Variants in NUP98 observed in about 807,000 individuals in gnomAD.
NUP98 encodes the protein nucleoporin 98 and 96 precursor.
In NUP98, 26 loss-of-function variants were observed where a neutral mutation model predicts 191.9. The ratio of observed to expected loss-of-function variants is 0.14; its 90% CI spans 0.10 to 0.19. The LOEUF (loss-of-function observed/expected upper bound fraction) is 0.19, where lower values mean the gene tolerates loss of function less well. NUP98 is among the 10% of genes least tolerant of loss of function. The pLI is 1.00. For missense variants in NUP98, 1,941 were observed against 2,178.8 expected (o/e 0.89, Z 2.17); for synonymous variants, 808 against 778.4 (o/e 1.04, Z -0.63).
chr11:3,711,206 G>C (rs2079015448), intron 20 of NUP98, among the ~76,000 whole-genome samples: 1 of 151,464 alleles, frequency 6.6e-6, no homozygotes, highest in South Asian at 2.1e-4. Flanking sequence ...GACTGCACCA[G>C]TGCACTACAG....
chr11:3,761,266 C>G (rs1409433133), intron 9 of NUP98, among the ~76,000 whole-genome samples: 2 of 152,162 alleles, frequency 1.3e-5, no homozygotes, highest in African/African-American at 2.4e-5. Context: ...TAAAAATCAC[C>G]TAGCTATACA....
chr11:3,688,384 C>T (rs904772562), intron 28 of NUP98, among the ~76,000 whole-genome samples: 48 of 151,498 alleles, frequency 3.2e-4, no homozygotes, highest in Admixed American at 7.2e-4. Context: ...CCAGCCTGGG[C>T]GACAGAGCGA....
chr11:3,678,060 G>A (rs2077873394), intron 31 of NUP98, among the ~76,000 whole-genome samples: 1 of 149,946 alleles, frequency 6.7e-6, no homozygotes, highest in African/African-American at 2.5e-5. Flanking sequence ...CAGGAGAATT[G>A]TTTGAAGCTG....
intron 25 of NUP98, chr11:3,697,013 G>A (rs1395500084): frequency 6.6e-6 from 1 of 152,104 alleles, no homozygotes. Flanking sequence ...CTACATGTTG[G>A]TGTCCTGGTG....
chr11:3,777,919 C>T (rs1262454054), intron 4 of NUP98, among the ~76,000 whole-genome samples: 1 of 151,874 alleles, frequency 6.6e-6, no homozygotes, highest in African/African-American at 2.4e-5. Context: ...TGATGGCAGG[C>T]CAGGCGCGGT....
At position 3,691,541 on chromosome 11, in the gene NUP98, A is replaced by G. The variant is rs373577616; in HGVS notation, c.4312-52T>C. ...ACATTAGCTCCTAATCAGTTTTACT[A>G]GATGCCATTATGTTTCTTCTTTTTT... On this transcript the variant is annotated intron_variant, in intron 27 of 32. Transcript: ENST00000324932. 5.0e-5 allele frequency: 77 copies of G among 1,554,594 alleles called. No homozygotes were observed. In the East Asian group the frequency reaches 5.2e-4, roughly 10 times the overall value.
chr11:3,792,178 CAAAAAAAAAAAAAAAA>C (rs61471948), intron 1 of NUP98, among the ~76,000 whole-genome samples: 22 of 58,854 alleles, frequency 3.7e-4, no homozygotes, highest in South Asian at 9.3e-4. Flanking sequence ...AACTCCATCT[CAAAAAAAAAAAAAAAA>C]AAAAAAAAAA....
chr11:3,712,953 T>C (rs550793370), intron 19 of NUP98, among the ~76,000 whole-genome samples: 2 of 152,356 alleles, frequency 1.3e-5, no homozygotes, highest in African/African-American at 4.8e-5. Context: ...GATTACATAA[T>C]ATACATTAAA....
intron 19 of NUP98, 152 bp downstream of exon 19, chr11:3,713,666 C>G (rs375996010): frequency 5.6e-5 from 40 of 712,616 alleles, no homozygotes; most frequent in Non-Finnish European, 8.8e-5. Context: ...CTGCAGGGAG[C>G]TATGATCCCA....
intron 12 of NUP98, among the ~76,000 whole-genome samples, chr11:3,737,418 G>A (rs1474347134): frequency 2.6e-5 from 4 of 151,614 alleles, no homozygotes; most frequent in East Asian, 1.9e-4. Flanking sequence ...AAGGTCAGGA[G>A]ATCGAGACTA....
intron 1 of NUP98, among the ~76,000 whole-genome samples, chr11:3,790,460 G>C (rs1187917513): frequency 6.6e-6 from 1 of 152,106 alleles, no homozygotes; most frequent in African/African-American, 2.4e-5. Flanking sequence ...ACCCCTAAAA[G>C]TCCCCAACAC....
chr11:3,736,333 T>A (rs2080058986), intron 12 of NUP98, among the ~76,000 whole-genome samples: 1 of 152,184 alleles, frequency 6.6e-6, no homozygotes, highest in Non-Finnish European at 1.5e-5. Flanking sequence ...ACAGTCAAGA[T>A]ATGGAAACAA....
At chr11:3,790,456 A>G (rs1192205789) in intron 1 of NUP98, among the ~76,000 whole-genome samples, 1 of 152,196 alleles carries the variant, frequency 6.6e-6, no homozygotes, top group East Asian at 1.9e-4. Context: ...AAAGACCCCT[A>G]AAAGTCCCCA....
intron 1 of NUP98, among the ~76,000 whole-genome samples, chr11:3,784,256 C>T (rs1488376020): frequency 6.6e-6 from 1 of 152,174 alleles, no homozygotes; most frequent in Admixed American, 6.6e-5. Flanking sequence ...TTGTGCAACA[C>T]TGAAAAAGAT....
At chr11:3,702,325 T>TC (rs748378285) in intron 23 of NUP98, 138 bp downstream of exon 23, 26 of 100,982 alleles carry the variant, frequency 2.6e-4, no homozygotes, top group South Asian at 5.8e-4. Flanking sequence ...TCTCTCTCTC[T>TC]CTCTCTCTCT....
At position 3,705,222 on chromosome 11, in the gene NUP98, G is replaced by C. The variant is rs2078824153; in HGVS notation, c.3060C>G (p.His1020Gln). ...TACCTAGTGAACGAGTTTTCGACGAGTGGGATGCTGAAATGGGGAGTCTGG... is the reference window on the plus strand; with the variant it reads ...TACCTAGTGAACGAGTTTTCGACGACTGGGATGCTGAAATGGGGAGTCTGG... ...CSPRLPISAS[H>Q]SSKTRSLVGG... Residue 1020 changes from histidine to glutamine, a missense_variant, in exon 22 of 33, where the codon CAC becomes CAG. By Grantham distance (24) the His-to-Gln change is conservative. Around this residue, in one of 6 missense-constraint regions of NUP98, gnomAD observed 1,030 missense variants for 1,115.8 expected, o/e 0.92. Coordinates refer to ENST00000324932, the MANE Select transcript of NUP98 (RefSeq NM_016320.5). The C allele has an allele frequency of 1.9e-6, 3 of 1,614,056 alleles. No homozygotes were observed. The highest frequency in any genetic ancestry group is 2.5e-6 in the Non-Finnish European group (3 of 1,180,032).
At position 3,775,813 on chromosome 11, in the gene NUP98, C is replaced by A; in HGVS notation, c.495+69G>T. Reference sequence around the variant, plus strand: ...TAAGCTGGAAAGAGAAGCAATTTTACAATTCATCCTGCAAAGAAATATACA... The same window carrying A: ...TAAGCTGGAAAGAGAAGCAATTTTAAAATTCATCCTGCAAAGAAATATACA... On this transcript the variant is annotated intron_variant, in intron 5 of 32. Coordinates refer to ENST00000324932, the MANE Select transcript of NUP98 (RefSeq NM_016320.5). The A allele has an allele frequency of 5.4e-6, 8 of 1,487,504 alleles. 1 individual carries two copies. In the South Asian group the frequency reaches 9.6e-5, roughly 18 times the overall value. The allele number at this position is 1,487,504 out of a possible 1,614,324, so 92.1% of individuals were successfully genotyped here. A position where few individuals can be genotyped will look rare whatever the true frequency, so the allele number is the denominator to read the frequency against.
intron 9 of NUP98, 133 bp from the exon 10 acceptor site, chr11:3,760,759 G>A: frequency 1.6e-6 from 1 of 612,732 alleles, no homozygotes; most frequent in Non-Finnish European, 2.7e-6. Flanking sequence ...AAAAAAGGTA[G>A]AAAAAAGATG....
At chr11:3,768,271 A>G (rs1215053998) in intron 8 of NUP98, among the ~76,000 whole-genome samples, 1 of 152,042 alleles carries the variant, frequency 6.6e-6, no homozygotes, top group Non-Finnish European at 1.5e-5. Flanking sequence ...AACACAAAAA[A>G]TTAGCTGGAC....
Sources: gnomAD v4.1 joint callset for allele counts (sites outside exome capture counted in the v4.1 genomes callset) on GRCh38, gnomAD v4.1.1 for gene constraint, gnomAD v4.1.1 regional missense constraint, MANE v1.5 for transcripts, NCBI Gene and HGNC (gene_info 2026-07-23, HGNC 2026-07-21) for gene names.